Variants in CAPN10 observed in about 807,000 individuals in gnomAD.
CAPN10 encodes calpain-10.
A neutral mutation model predicts 78.4 loss-of-function variants in CAPN10; 71 were observed. That is an observed-to-expected ratio of 0.91 (90% CI 0.75 to 1.10). The LOEUF (loss-of-function observed/expected upper bound fraction) is 1.10. Ranked by LOEUF, CAPN10 falls within the 50% of genes least tolerant of loss-of-function variation. The pLI, the probability that CAPN10 is intolerant of heterozygous loss-of-function variation, is 0.00. For missense variants in CAPN10, 849 were observed against 924.6 expected (o/e 0.92, Z 1.06); for synonymous variants, 437 against 407.2 (o/e 1.07, Z -0.88).
chr2:240,590,581 A>G (rs2093095148), intron 2 of CAPN10: 1 of 513,164 alleles, frequency 1.9e-6, no homozygotes, highest in African/African-American at 1.9e-5. Context: ...GTTCTCTGCG[A>G]CATCCAGGTG....
At chr2:240,596,601 T>C (rs2093138371) in intron 8 of CAPN10, 80 bp downstream of exon 8, 2 of 1,536,614 alleles carry the variant, frequency 1.3e-6, no homozygotes, top group Non-Finnish European at 1.8e-6. Context: ...TTTCCCTCTG[T>C]GGTTGGCAGG....
In CAPN10 at chr2:240,598,409, G is replaced by A; in HGVS notation, c.1989+12G>A. 1 of 1,613,496 alleles carries A rather than the reference G, an allele frequency of 6.2e-7. No homozygotes were observed. On this transcript the variant is annotated intron_variant, in intron 11 of 11. Transcript: ENST00000391984. ...AGTTCCTCCAAGAGGTGTGTATGCA[G>A]CCCCGCCAGCCCGGCTCACCTGCCT...
chr2:240,594,775 G>A (rs1227593262), intron 6 of CAPN10, 66 bp downstream of exon 6: 4 of 1,336,318 alleles, frequency 3.0e-6, no homozygotes, highest in Non-Finnish European at 3.9e-6. Flanking sequence ...CTGGGCAGGT[G>A]CCTGGGTTCC....
At chr2:240,591,580 C>T in intron 3 of CAPN10, 1 of 337,220 alleles carries the variant, frequency 3.0e-6, no homozygotes. Context: ...CCCAGTGAGC[C>T]CTTCCATCCC....
In CAPN10 at chr2:240,594,045, G is replaced by C. The variant is rs150113284; in HGVS notation, c.828G>C (p.Glu276Asp). The change falls in exon 5 of 12, where the codon GAG becomes GAC. Residue 276 changes from glutamate to aspartate, a missense_variant and splice_region_variant. Transcript: ENST00000391984. ...GGTGCTGGCAGGGGCTCTGGAGAGA[G>C]GGGTGAGTGCTGGGGCCTGGACCAT... ...GRRCWQGLWREGGEGWSQVDA... is the reference protein window; with the variant it reads ...GRRCWQGLWRDGGEGWSQVDA... 193 of 1,597,992 alleles carry C rather than the reference G, an allele frequency of 1.2e-4. 2 individuals are homozygous for C. In the South Asian group the frequency reaches 2.1e-3, roughly 18 times the overall value.
At chr2:240,590,006 T>C (rs1177609756) in intron 2 of CAPN10, 1 of 154,702 alleles carries the variant, frequency 6.5e-6, no homozygotes, top group Non-Finnish European at 1.4e-5. Context: ...TGCTGATTAA[T>C]GCAGCGGCGT....
Position 240,593,914 on chromosome 2 carries a change from G to A in CAPN10, c.697G>A (p.Glu233Lys), listed in dbSNP as rs1446544309. The change falls in exon 5 of 12, where the codon GAG becomes AAG. Residue 233 changes from glutamate to lysine, a missense_variant. Transcript: ENST00000391984. ...CGCCATTCCTCATGCAGGTGCCCGG[G>A]AGCTGGGGGAGTTCCATGCCTTCAT... ...CVLSPRAGAR[E>K]LGEFHAFIVS... 6.3e-7 allele frequency: 1 copy of A among 1,598,588 alleles called. No homozygotes were observed. Among genetic ancestry groups the A allele is most frequent in the Non-Finnish European group, 8.6e-7 (1 of 1,169,188 alleles).
intron 7 of CAPN10, among the ~76,000 whole-genome samples, chr2:240,595,742 G>A (rs183437412): frequency 5.9e-5 from 9 of 152,350 alleles, no homozygotes; most frequent in South Asian, 2.1e-4. Context: ...CCTGCAAGAC[G>A]GGGTCCTGAC....
intron 1 of CAPN10, among the ~76,000 whole-genome samples, chr2:240,588,252 A>G (rs2093080484): frequency 6.6e-6 from 1 of 151,954 alleles, no homozygotes; most frequent in South Asian, 2.1e-4. Flanking sequence ...AGGCAGGTGG[A>G]TACGGAGCAG....
intron 10 of CAPN10, 58 bp from the exon 11 acceptor site, chr2:240,598,294 C>T: frequency 6.3e-7 from 1 of 1,592,146 alleles, no homozygotes; most frequent in Non-Finnish European, 8.6e-7. Context: ...GCCAGGAGCA[C>T]ACAGCCACTT....
Position 240,593,900 on chromosome 2 carries a change from A to C in CAPN10, c.689-6A>C. 1 of 1,590,496 alleles carries C rather than the reference A, an allele frequency of 6.3e-7. No homozygotes were observed. The highest frequency in any genetic ancestry group is 8.6e-7 in the Non-Finnish European group (1 of 1,163,782). On this transcript the variant is annotated splice_polypyrimidine_tract_variant and splice_region_variant and intron_variant, in intron 4 of 11. Coordinates refer to ENST00000391984, the MANE Select transcript of CAPN10 (RefSeq NM_023083.4). ...CCTGCCTGTGCCTGCGCCATTCCTC[A>C]TGCAGGTGCCCGGGAGCTGGGGGAG...
Position 240,586,767 on chromosome 2 carries a change from C to G in CAPN10, c.-145C>G. 1 of 741,332 alleles carries G rather than the reference C, an allele frequency of 1.3e-6. No homozygotes were observed. The highest frequency in any genetic ancestry group is 3.5e-5 in the East Asian group (1 of 28,176). 45.9% of individuals were successfully genotyped at this position (741,332 alleles called of 1,614,324 possible). Reference sequence around the variant, plus strand: ...GGGCCGGCGTACTGGCCTGGTCCAGCACCTGCGGGGCCCTCGGGCTTGGAG... The same window carrying G: ...GGGCCGGCGTACTGGCCTGGTCCAGGACCTGCGGGGCCCTCGGGCTTGGAG... On this transcript the variant is annotated 5_prime_UTR_variant, in exon 1 of 12. Coordinates refer to ENST00000391984, the MANE Select transcript of CAPN10 (RefSeq NM_023083.4).
In CAPN10 at chr2:240,596,668, G is replaced by A. The variant is rs2093138786; in HGVS notation, c.1482-13G>A. 3.3e-6 allele frequency: 5 copies of A among 1,534,402 alleles called. No homozygotes were observed. The highest frequency in any genetic ancestry group is 4.4e-6 in the Non-Finnish European group (5 of 1,140,626). ...CTGCTGCCAGCGCCCTCCCATGTTT[G>A]TCTTCTTGGCAGCGCCATCAGGGCA... On this transcript the variant is annotated splice_polypyrimidine_tract_variant and intron_variant, in intron 8 of 11. Coordinates refer to ENST00000391984, the MANE Select transcript of CAPN10 (RefSeq NM_023083.4).
intron 1 of CAPN10, among the ~76,000 whole-genome samples, chr2:240,588,335 T>C (rs2093081130): frequency 6.6e-6 from 1 of 151,906 alleles, no homozygotes; most frequent in Admixed American, 6.6e-5. Context: ...TGGGAGAGTG[T>C]CTCGGGGGAG....
intron 2 of CAPN10, 26 bp from the exon 3 acceptor site, chr2:240,590,789 C>G (rs763232196): frequency 4.3e-6 from 7 of 1,609,928 alleles, no homozygotes; most frequent in East Asian, 2.2e-5. Flanking sequence ...TCACGCTCGC[C>G]TTTTGCTTCT....
intron 5 of CAPN10, 36 bp downstream of exon 5, chr2:240,594,083 A>AG (rs1008105959): frequency 2.0e-6 from 3 of 1,533,382 alleles, no homozygotes; most frequent in Non-Finnish European, 1.8e-6. Context: ...TGCTGTCGGG[A>AG]GGGGGGCCCA....
At position 240,595,259 on chromosome 2, in the gene CAPN10, C is replaced by T; in HGVS notation, c.1233C>T (p.Ser411=). Reference sequence around the variant, plus strand: ...GTCATACTTCGTGGAGCCCAGCGAGCATCCCGGGCAAGCACTACCAGGCTG... The same window carrying T: ...GTCATACTTCGTGGAGCCCAGCGAGTATCCCGGGCAAGCACTACCAGGCTG... The part of the protein sequence containing the change: ...GDSHTSWSPA[S]IPGKHYQAVG... Residue 411 remains serine, a synonymous_variant, in exon 7 of 12, where the codon AGC becomes AGT. Transcript: ENST00000391984. 6.2e-7 allele frequency: 1 copy of T among 1,613,620 alleles called. No homozygotes were observed. Among genetic ancestry groups the T allele is most frequent in the Non-Finnish European group, 8.5e-7 (1 of 1,180,038 alleles).
intron 4 of CAPN10, chr2:240,592,351 T>C (rs2093107968): frequency 3.0e-6 from 2 of 674,700 alleles, no homozygotes; most frequent in South Asian, 1.7e-5. Context: ...GTGGCCCTTC[T>C]CTCCCCTGAC....
rs2975767 is a variant in CAPN10, at chr2:240,598,812, A to G, written c.*132A>G. On this transcript the variant is annotated 3_prime_UTR_variant, in exon 12 of 12. Transcript: ENST00000391984. ...TGGCCTGCCTCCCAGCCCTGCCAGG[A>G]GGCTGCGGCCTAGGGGTCCACGGGA... 0.81 allele frequency: 701,794 copies of G among 861,324 alleles called. 288,841 individuals carry two copies. The highest frequency in any genetic ancestry group is 0.85 in the Non-Finnish European group (452,448 of 531,202). 53.4% of individuals were successfully genotyped at this position (861,324 alleles called of 1,614,324 possible).
Sources: gnomAD v4.1 joint callset for allele counts (sites outside exome capture counted in the v4.1 genomes callset) on GRCh38, gnomAD v4.1.1 for gene constraint, MANE v1.5 for transcripts, NCBI Gene and HGNC (gene_info 2026-07-23, HGNC 2026-07-21) for gene names.